The following FAM135B variants were observed in gnomAD, a reference collection of about 807,000 sequenced individuals.
FAM135B encodes the protein protein FAM135B.
FAM135B carries 43 observed loss-of-function variants against 127.7 expected under a neutral mutation model. The ratio of observed to expected loss-of-function variants is 0.34; its 90% confidence interval spans 0.26 to 0.43. The LOEUF (loss-of-function observed/expected upper bound fraction) is 0.43, where lower values mean the gene tolerates loss of function less well. Among genes scored for constraint, FAM135B ranks in the 20% least tolerant of loss-of-function variants. FAM135B has a pLI of 1.00. For synonymous variants in FAM135B, 670 were observed against 665.1 expected (o/e 1.01, Z -0.11); for missense variants, 1,558 against 1,725.6 (o/e 0.90, Z 1.72).
rs142698098 is a variant in FAM135B, at chr8:138,302,713, C to T, written c.157+8128G>A. On this transcript the variant is annotated intron_variant, in intron 3 of 19. Coordinates refer to ENST00000395297, the MANE Select transcript of FAM135B (RefSeq NM_015912.4). The stretch of plus-strand genomic sequence containing the variant: ...GCCCTGAGTCCCTGGGGCCTCCCCC[C>T]TCCCAAGCCCACATCGCTCACGTTG... 2.2e-3 allele frequency among the ~76,000 whole-genome samples: 331 copies of T among 152,346 alleles called. 3 individuals are homozygous for T. The highest frequency in any genetic ancestry group is 7.3e-3 in the African/African-American group (304 of 41,574).
intron 1 of FAM135B, among the ~76,000 whole-genome samples, chr8:138,407,929 G>T (rs545627814): frequency 3.3e-4 from 50 of 152,268 alleles, no homozygotes; most frequent in African/African-American, 1.1e-3. Flanking sequence ...TATTCTTAGA[G>T]GAATCTTTTT....
intron 4 of FAM135B, among the ~76,000 whole-genome samples, chr8:138,265,074 A>T (rs1822810530): frequency 6.6e-6 from 1 of 152,136 alleles, no homozygotes; most frequent in Non-Finnish European, 1.5e-5. Flanking sequence ...CAACTAATAA[A>T]GCGAGCTCCC....
rs148870665 is a variant in FAM135B, at chr8:138,227,657, C to T, written c.669+15285G>A. 4.9e-4 allele frequency among the ~76,000 whole-genome samples: 74 copies of T among 151,020 alleles called. 1 individual carries two copies. Among genetic ancestry groups the T allele is most frequent in the Non-Finnish European group, 1.2e-4 (8 of 67,680 alleles). On this transcript the variant is annotated intron_variant, in intron 7 of 19. Transcript: ENST00000395297. ...ATCACCCCAATCAAGGAAACAGTCA[C>T]ATCCATCACATCTAGAAGTTTCCTT...
intron 1 of FAM135B, among the ~76,000 whole-genome samples, chr8:138,398,650 G>A (rs888524021): frequency 2.0e-5 from 3 of 152,182 alleles, no homozygotes; most frequent in Admixed American, 2.0e-4. Context: ...GTGGCATAGG[G>A]AGCAGAGAAC....
intron 2 of FAM135B, among the ~76,000 whole-genome samples, chr8:138,344,784 C>A (rs1338746829): frequency 2.6e-5 from 4 of 151,958 alleles, no homozygotes; most frequent in Non-Finnish European, 5.9e-5. Flanking sequence ...ACCGTGTTAG[C>A]CAGGATGGTC....
chr8:138,222,759 G>C (rs183939288), intron 7 of FAM135B, among the ~76,000 whole-genome samples: 232 of 138,602 alleles, frequency 1.7e-3, no homozygotes, highest in Middle Eastern at 0.012. Context: ...TTTTAAAAAA[G>C]ATTCTGAAAA....
intron 3 of FAM135B, among the ~76,000 whole-genome samples, chr8:138,306,955 C>A (rs1826308872): frequency 6.6e-6 from 1 of 152,184 alleles, no homozygotes; most frequent in South Asian, 2.1e-4. Flanking sequence ...CAGTCTTGGT[C>A]CTGAGCTGGT....
At chr8:138,453,192 T>TC (rs1836588994) in intron 1 of FAM135B, among the ~76,000 whole-genome samples, 1 of 152,280 alleles carries the variant, frequency 6.6e-6, no homozygotes, top group South Asian at 2.1e-4. Context: ...AGGCCTGTTG[T>TC]CATTATCTCT....
At chr8:138,375,014 A>AACC (rs111666023) in intron 1 of FAM135B, among the ~76,000 whole-genome samples, 6,549 of 151,858 alleles carry the variant, frequency 0.043, 407 homozygotes, top group African/African-American at 0.14. Flanking sequence ...CAACAACAAC[A>AACC]ACCCCAGATT....
At chr8:138,449,206 C>G (rs1836357290) in intron 1 of FAM135B, among the ~76,000 whole-genome samples, 1 of 152,124 alleles carries the variant, frequency 6.6e-6, no homozygotes, top group Non-Finnish European at 1.5e-5. Flanking sequence ...TTCTCACATA[C>G]ATAATTAATT....
chr8:138,466,692 G>C (rs1837398699), intron 1 of FAM135B, among the ~76,000 whole-genome samples: 1 of 152,200 alleles, frequency 6.6e-6, no homozygotes, highest in African/African-American at 2.4e-5. Flanking sequence ...TGCAATGAGT[G>C]ATGTATCAAA....
intron 6 of FAM135B, 51 bp downstream of exon 6, chr8:138,250,790 C>G (rs1276148571): frequency 1.9e-6 from 3 of 1,599,098 alleles, no homozygotes; most frequent in African/African-American, 2.7e-5. Context: ...TCTACCACAC[C>G]TGCAATGGAA....
intron 9 of FAM135B, among the ~76,000 whole-genome samples, chr8:138,185,873 C>T (rs557824794): frequency 6.6e-6 from 1 of 152,302 alleles, no homozygotes; most frequent in South Asian, 2.1e-4. Flanking sequence ...GTGAGGAGTA[C>T]ACCCCACTTC....
At chr8:138,354,751 C>A (rs1360688914) in intron 2 of FAM135B, among the ~76,000 whole-genome samples, 1 of 151,928 alleles carries the variant, frequency 6.6e-6, no homozygotes, top group African/African-American at 2.4e-5. Flanking sequence ...GGAAAATGAC[C>A]CTGAGGTTTA....
At chr8:138,481,627 G>A (rs150593768) in intron 1 of FAM135B, among the ~76,000 whole-genome samples, 6 of 152,346 alleles carry the variant, frequency 3.9e-5, no homozygotes, top group Non-Finnish European at 8.8e-5. Flanking sequence ...CACACTGCCT[G>A]CCCCAGTTAT....
intron 1 of FAM135B, among the ~76,000 whole-genome samples, chr8:138,457,489 A>C (rs1836855156): frequency 6.6e-6 from 1 of 152,128 alleles, no homozygotes; most frequent in Admixed American, 6.5e-5. Context: ...AATGTAGATG[A>C]TGAGCATGGC....
chr8:138,130,394 C>A lies in FAM135B; in HGVS notation c.*2199G>T, dbSNP rs1244237763. ...GAGGGTTTACAAAGACAGCAGAGCA[C>A]CCCTATAAAAAAGAGGTGCACCATG... On this transcript the variant is annotated 3_prime_UTR_variant, in exon 20 of 20. Transcript: ENST00000395297. 1 of 152,034 alleles carries A rather than the reference C, an allele frequency of 6.6e-6. No homozygotes were observed. The highest frequency in any genetic ancestry group is 1.5e-5 in the Non-Finnish European group (1 of 68,018). The allele number at this position is 152,034 out of a possible 1,614,324, so 9.4% of individuals were successfully genotyped here.
At chr8:138,463,672 G>A (rs1837247354) in intron 1 of FAM135B, among the ~76,000 whole-genome samples, 1 of 152,156 alleles carries the variant, frequency 6.6e-6, no homozygotes, top group Non-Finnish European at 1.5e-5. Context: ...ATGAGAAAGA[G>A]GAAGTAGCTG....
At chr8:138,315,712 G>A (rs75537743) in intron 2 of FAM135B, among the ~76,000 whole-genome samples, 3,351 of 151,948 alleles carry the variant, frequency 0.022, 118 homozygotes, top group East Asian at 0.14. Flanking sequence ...CAACAACATG[G>A]ATGAAACTGA....
Sources: gnomAD v4.1 joint callset for allele counts (sites outside exome capture counted in the v4.1 genomes callset) on GRCh38, gnomAD v4.1.1 for gene constraint, MANE v1.5 for transcripts, NCBI Gene and HGNC (gene_info 2026-07-23, HGNC 2026-07-21) for gene names.